Variants in IKZF1 observed in about 807,000 individuals in gnomAD.
The protein encoded by IKZF1 is DNA-binding protein Ikaros.
Under a neutral mutation model 51.7 loss-of-function variants are expected in IKZF1, and 10 were observed. That is an observed-to-expected ratio of 0.19 (90% CI 0.12 to 0.33). The LOEUF is 0.33. Ranked by LOEUF, IKZF1 falls within the 10% of genes least tolerant of loss-of-function variation. IKZF1 has a pLI of 1.00. For missense variants in IKZF1, 484 were observed against 707.5 expected, an observed-to-expected ratio of 0.68 and a Z score of 3.58; for synonymous variants, 280 against 282.3, an observed-to-expected ratio of 0.99 and a Z score of 0.08.
intron 3 of IKZF1, among the ~76,000 whole-genome samples, chr7:50,351,836 C>T (rs758450310): frequency 6.6e-6 from 1 of 152,198 alleles, no homozygotes; most frequent in Non-Finnish European, 1.5e-5. Context: ...TGGATGAGGA[C>T]TCTTCCTAGA....
chr7:50,310,507 G>A (rs748775806), intron 1 of IKZF1, among the ~76,000 whole-genome samples: 41 of 152,054 alleles, frequency 2.7e-4, no homozygotes, highest in Admixed American at 2.4e-3. Flanking sequence ...TTACTGATGA[G>A]CCCCCTCCCC....
Position 50,404,465 on chromosome 7 carries a change from C to T in IKZF1, c.*3838C>T, listed in dbSNP as rs146163449. The T allele has an allele frequency of 1.7e-5, 4 of 229,912 alleles. No individual in the cohort carries two copies. The highest frequency in any genetic ancestry group is 6.6e-5 in the African/African-American group (3 of 45,256). The allele number at this position is 229,912 out of a possible 1,614,324, so 14.2% of individuals were successfully genotyped here. On this transcript the variant is annotated 3_prime_UTR_variant, in exon 8 of 8. Coordinates refer to ENST00000331340, the MANE Select transcript of IKZF1 (RefSeq NM_006060.6). ...TCTGCCCTATCCCGTGAAGTCCACA[C>T]TGGCGTAAGAGAAGGCCCAGCAGAG...
chr7:50,360,259 A>G (rs1584766187), intron 3 of IKZF1, among the ~76,000 whole-genome samples: 1 of 151,640 alleles, frequency 6.6e-6, no homozygotes, highest in Non-Finnish European at 1.5e-5. Flanking sequence ...TGAGGCTGAC[A>G]CCCTGCCAGC....
intron 5 of IKZF1, among the ~76,000 whole-genome samples, chr7:50,385,905 G>T (rs948858845): frequency 7.2e-5 from 11 of 152,152 alleles, no homozygotes; most frequent in African/African-American, 2.7e-4. Context: ...CTATTAAATG[G>T]TCGAGAAGTC....
At chr7:50,343,623 G>T (rs1039235213) in intron 3 of IKZF1, among the ~76,000 whole-genome samples, 2 of 152,228 alleles carry the variant, frequency 1.3e-5, no homozygotes, top group East Asian at 3.8e-4. Context: ...GAGAAGACAC[G>T]CTGTGGTTAC....
At chr7:50,356,703 G>A (rs560860686) in intron 3 of IKZF1, among the ~76,000 whole-genome samples, 2 of 152,144 alleles carry the variant, frequency 1.3e-5, no homozygotes, top group Admixed American at 6.5e-5. Flanking sequence ...ATCTCGCGGC[G>A]GCTTCCTCTT....
intron 3 of IKZF1, among the ~76,000 whole-genome samples, chr7:50,341,145 C>CTT (rs1330095012): frequency 0.024 from 3,199 of 133,772 alleles, 93 homozygotes; most frequent in African/African-American, 0.049. Context: ...GGTATGGAGT[C>CTT]TTTTTTTTTT....
chr7:50,307,118 A>G (rs1440120999), intron 1 of IKZF1, among the ~76,000 whole-genome samples: 1 of 152,214 alleles, frequency 6.6e-6, no homozygotes, highest in Non-Finnish European at 1.5e-5. Flanking sequence ...AACTTTTACT[A>G]AAACAAGATG....
intron 1 of IKZF1, among the ~76,000 whole-genome samples, chr7:50,313,241 A>G (rs550573019): frequency 8.5e-5 from 13 of 152,358 alleles, no homozygotes; most frequent in Non-Finnish European, 1.5e-4. Flanking sequence ...GGTTTTATTA[A>G]AGAGGTCTGT....
chr7:50,384,713 C>G (rs912574631), intron 5 of IKZF1, among the ~76,000 whole-genome samples: 1 of 152,254 alleles, frequency 6.6e-6, no homozygotes, highest in Non-Finnish European at 1.5e-5. Context: ...GTCTGTCTGC[C>G]ATGCTAACCA....
intron 2 of IKZF1, among the ~76,000 whole-genome samples, chr7:50,320,001 T>C (rs950686988): frequency 6.6e-6 from 1 of 152,188 alleles, no homozygotes; most frequent in African/African-American, 2.4e-5. Context: ...GAGGATCTTC[T>C]GAGTTCCATG....
intron 3 of IKZF1, among the ~76,000 whole-genome samples, chr7:50,335,667 T>C (rs1005646523): frequency 6.6e-6 from 1 of 151,260 alleles, no homozygotes; most frequent in Non-Finnish European, 1.5e-5. Flanking sequence ...TGTATGTGTG[T>C]ATGGGAAGCG....
At chr7:50,363,716 A>T (rs1805956825) in intron 3 of IKZF1, among the ~76,000 whole-genome samples, 1 of 152,166 alleles carries the variant, frequency 6.6e-6, no homozygotes, top group African/African-American at 2.4e-5. Flanking sequence ...AAACAAATGG[A>T]TCCATCCACA....
At chr7:50,384,806 G>C (rs1812897126) in intron 5 of IKZF1, among the ~76,000 whole-genome samples, 1 of 152,252 alleles carries the variant, frequency 6.6e-6, no homozygotes, top group Non-Finnish European at 1.5e-5. Flanking sequence ...ATTGCCTTGG[G>C]TTAGTGGGAA....
At chr7:50,391,390 G>T (rs1815013842) in intron 6 of IKZF1, among the ~76,000 whole-genome samples, 1 of 152,132 alleles carries the variant, frequency 6.6e-6, no homozygotes, top group Admixed American at 6.5e-5. Context: ...AGCAGATTTG[G>T]GAGTATTATG....
intron 1 of IKZF1, chr7:50,318,279 T>G (rs962713798): frequency 9.1e-5 from 21 of 231,440 alleles, no homozygotes; most frequent in African/African-American, 4.4e-4. Flanking sequence ...GGCAGCATCT[T>G]CCCAGTTGTT....
intron 3 of IKZF1, among the ~76,000 whole-genome samples, chr7:50,349,113 T>C (rs1429523311): frequency 1.3e-5 from 2 of 152,212 alleles, no homozygotes; most frequent in Non-Finnish European, 2.9e-5. Context: ...TATAAATCTT[T>C]TGCTCTTTAA....
chr7:50,355,619 GAATA>G lies in IKZF1; in HGVS notation c.161-20882_161-20879del, dbSNP rs57903869. Among the ~76,000 whole-genome samples the G allele has an allele frequency of 7.7e-3, 1,134 of 147,496 alleles. 17 individuals are homozygous for G. Among genetic ancestry groups the G allele is most frequent in the African/African-American group, 0.024 (957 of 40,108 alleles). Reference sequence around the variant, plus strand: ...TCCAAAGTTTAATGTGTTAGCTTGCGAATAAATAAATAAATAAATAAATAAATAA... The same window carrying G: ...TCCAAAGTTTAATGTGTTAGCTTGCGAATAAATAAATAAATAAATAAATAA... On this transcript the variant is annotated intron_variant, in intron 3 of 7. Coordinates refer to ENST00000331340, the MANE Select transcript of IKZF1 (RefSeq NM_006060.6).
chr7:50,401,801 T>C lies in IKZF1; in HGVS notation c.*1174T>C. 1 of 222,626 alleles carries C rather than the reference T, an allele frequency of 4.5e-6. No individual in the cohort carries two copies. The highest frequency in any genetic ancestry group is 9.0e-6 in the Non-Finnish European group (1 of 111,252). 13.8% of individuals were successfully genotyped at this position (222,626 alleles called of 1,614,324 possible). A position where few individuals can be genotyped will look rare whatever the true frequency, so the allele number is the denominator to read the frequency against. Reference sequence around the variant, plus strand: ...CATTAATTTTCAACTCAATGAAATATGTGAAGCCCAGCATCTCTGTTGCTA... The same window carrying C: ...CATTAATTTTCAACTCAATGAAATACGTGAAGCCCAGCATCTCTGTTGCTA... On this transcript the variant is annotated 3_prime_UTR_variant, in exon 8 of 8. Transcript: ENST00000331340.
Sources: allele counts gnomAD v4.1 joint callset (sites outside exome capture counted in the v4.1 genomes callset), GRCh38; gene constraint gnomAD v4.1.1; transcripts MANE v1.5; gene names NCBI Gene and HGNC (gene_info 2026-07-23, HGNC 2026-07-21).